The following CD1C variants were observed in gnomAD, a reference collection of about 807,000 sequenced individuals.
The protein encoded by CD1C is T-cell surface glycoprotein CD1c.
A neutral mutation model predicts 39.4 loss-of-function variants in CD1C; 47 were observed. That is an observed-to-expected ratio of 1.19 (90% CI 0.94 to 1.52). The LOEUF is 1.52. Ranked by LOEUF, CD1C falls within the 40% of genes most tolerant of loss-of-function variation. The pLI is 0.00. For missense variants in CD1C, 417 were observed against 395.2 expected (o/e 1.06, Z -0.47); for synonymous variants, 165 against 150.8 (o/e 1.09, Z -0.69).
At chr1:158,291,430 T>G (rs1571143901) in intron 2 of CD1C, 30 bp downstream of exon 2, 1 of 1,602,340 alleles carries the variant, frequency 6.2e-7, no homozygotes, top group East Asian at 2.2e-5. Context: ...TTATGGGAGT[T>G]CTTTAGAATG....
In CD1C at chr1:158,292,136, C is replaced by A; in HGVS notation, c.381C>A (p.Ser127Arg). ...GCTGTGAGCTGCATTCTGGAAAGAG[C>A]CCAGAAGGCTTCTTTCAGGTAGCTT... ...KAGCELHSGK[S>R]PEGFFQVAFN... is the part of the protein sequence containing the mutation. Residue 127 changes from serine to arginine, a missense_variant, in exon 3 of 6, where the codon AGC (serine) becomes AGA (arginine). Coordinates refer to ENST00000368170, the MANE Select transcript of CD1C (RefSeq NM_001765.3). 1 of 1,614,038 alleles carries A rather than the reference C, an allele frequency of 6.2e-7. No individual in the cohort carries two copies. The highest frequency in any genetic ancestry group is 8.5e-7 in the Non-Finnish European group (1 of 1,179,956).
rs578161327 is a variant in CD1C, at chr1:158,291,257, C to G, written c.185C>G (p.Ser62Ter). The G allele has an allele frequency of 1.2e-6, 2 of 1,614,096 alleles. No homozygotes were observed. Among genetic ancestry groups the G allele is most frequent in the African/African-American group, 2.7e-5 (2 of 75,010 alleles). Residue 62 changes from serine (S) to a stop codon, truncating the protein, a stop_gained, in exon 2 of 6, where the codon TCA (serine) becomes TGA (stop). Coordinates refer to ENST00000368170, the MANE Select transcript of CD1C (RefSeq NM_001765.3). LOFTEE classifies it high-confidence loss of function. Reference sequence around the variant, plus strand: ...CAGACTCATGGCTGGGACAGTGAATCAGGCACAATAATTTTCCTGCATAAC... The same window carrying G: ...CAGACTCATGGCTGGGACAGTGAATGAGGCACAATAATTTTCCTGCATAAC... The part of the protein sequence containing the change: ...ELQTHGWDSE[S>*]GTIIFLHNWS...
rs1651036766 is a variant in CD1C, at chr1:158,291,380, C to T, written c.308C>T (p.Ala103Val). 6.2e-7 allele frequency: 1 copy of T among 1,613,978 alleles called. No homozygotes were observed. Among genetic ancestry groups the T allele is most frequent in the East Asian group, 2.2e-5 (1 of 44,878 alleles). ...FGLTREIQDHASQDYSKYPFE... is the reference protein window; with the variant it reads ...FGLTREIQDHVSQDYSKYPFE... ...TTAACTCGGGAGATTCAAGACCATG[C>T]AAGTCAAGATTACTCGAAATGTAAG... The change falls in exon 2 of 6, where the codon GCA (alanine) becomes GTA (valine). Residue 103 changes from alanine to valine, a missense_variant. Ala to Val is a moderately conservative substitution (Grantham distance 64). Transcript: ENST00000368170.
intron 3 of CD1C, 34 bp downstream of exon 3, chr1:158,292,399 T>C (rs767151325): frequency 1.3e-6 from 2 of 1,590,090 alleles, no homozygotes; most frequent in African/African-American, 2.7e-5. Context: ...CTAAGATTTT[T>C]CTATTCAAGT....
chr1:158,293,619 T>G lies in CD1C; in HGVS notation c.*143T>G. 1 of 1,587,784 alleles carries G rather than the reference T, an allele frequency of 6.3e-7. No homozygotes were observed. The highest frequency in any genetic ancestry group is 8.6e-7 in the Non-Finnish European group (1 of 1,163,570). On this transcript the variant is annotated 3_prime_UTR_variant, in exon 6 of 6. Coordinates refer to ENST00000368170, the MANE Select transcript of CD1C (RefSeq NM_001765.3). ...AAACATTTGTTAATAAAAACCAAAT[T>G]CTAATTTGGAATGTTTTTCTTGGAA...
chr1:158,292,133 G>C lies in CD1C; in HGVS notation c.378G>C (p.Lys126Asn), dbSNP rs761108555. 2 of 1,614,124 alleles carry C rather than the reference G, an allele frequency of 1.2e-6. No individual in the cohort carries two copies. Among genetic ancestry groups the C allele is most frequent in the Non-Finnish European group, 1.7e-6 (2 of 1,180,016 alleles). ...CGGGCTGTGAGCTGCATTCTGGAAA[G>C]AGCCCAGAAGGCTTCTTTCAGGTAG... ...VKAGCELHSG[K>N]SPEGFFQVAF... The change falls in exon 3 of 6, where the codon AAG (lysine) becomes AAC (asparagine). Residue 126 changes from lysine (K) to asparagine (N), a missense_variant. Transcript: ENST00000368170.
At chr1:158,292,007 G>C in intron 2 of CD1C, 77 bp from the exon 3 acceptor site, 1 of 1,431,242 alleles carries the variant, frequency 7.0e-7, no homozygotes, top group Non-Finnish European at 9.5e-7. Flanking sequence ...TTCACTTCCT[G>C]ATACAGCCCT....
At chr1:158,291,865 G>A (rs1184178775) in intron 2 of CD1C, among the ~76,000 whole-genome samples, 1 of 151,634 alleles carries the variant, frequency 6.6e-6, no homozygotes, top group East Asian at 1.9e-4. Flanking sequence ...CATCTTCCTT[G>A]GCCACTTTTT....
Position 158,293,479 on chromosome 1 carries a change from C to T in CD1C, c.*3C>T, listed in dbSNP as rs765916950. 6.2e-7 allele frequency: 1 copy of T among 1,614,128 alleles called. No homozygotes were observed. Among genetic ancestry groups the T allele is most frequent in the South Asian group, 1.1e-5 (1 of 91,074 alleles). ...GCTCATATCAGGACATCCTGTGAGA[C>T]TCTTCCCCCTGACTCCCCCATTGTG... On this transcript the variant is annotated 3_prime_UTR_variant, in exon 6 of 6. Coordinates refer to ENST00000368170, the MANE Select transcript of CD1C (RefSeq NM_001765.3).
chr1:158,291,376 C>G lies in CD1C; in HGVS notation c.304C>G (p.His102Asp). 1 of 1,614,026 alleles carries G rather than the reference C, an allele frequency of 6.2e-7. No individual in the cohort carries two copies. The highest frequency in any genetic ancestry group is 8.5e-7 in the Non-Finnish European group (1 of 1,179,918). Residue 102 changes from histidine (H) to aspartate (D), a missense_variant, in exon 2 of 6, where the codon CAT becomes GAT. By Grantham distance (81) the His-to-Asp change is moderately conservative (BLOSUM62 -1). Coordinates refer to ENST00000368170, the MANE Select transcript of CD1C (RefSeq NM_001765.3). ...LFGLTREIQD[H>D]ASQDYSKYPF... ...TGGATTAACTCGGGAGATTCAAGACCATGCAAGTCAAGATTACTCGAAATG... is the reference window on the plus strand; with the variant it reads ...TGGATTAACTCGGGAGATTCAAGACGATGCAAGTCAAGATTACTCGAAATG...
At chr1:158,293,175 T>G in intron 4 of CD1C, 37 bp from the exon 5 acceptor site, 1 of 1,495,054 alleles carries the variant, frequency 6.7e-7, no homozygotes, top group Non-Finnish European at 9.3e-7. Flanking sequence ...AGCAGTGAGT[T>G]TAAAATGGCA....
chr1:158,293,329 C>T, intron 5 of CD1C, 27 bp downstream of exon 5: 1 of 1,596,750 alleles, frequency 6.3e-7, no homozygotes, highest in Non-Finnish European at 8.6e-7. Context: ...TCCTCCTCTC[C>T]TCCCAGTTTC....
At chr1:158,292,393 G>A in intron 3 of CD1C, 28 bp downstream of exon 3, 3 of 1,596,328 alleles carry the variant, frequency 1.9e-6, no homozygotes, top group South Asian at 2.3e-5. Flanking sequence ...CTTCCTCTAA[G>A]ATTTTTCTAT....
chr1:158,291,243 C>G lies in CD1C; in HGVS notation c.171C>G (p.Gly57=). The G allele has an allele frequency of 6.2e-7, 1 of 1,614,130 alleles. No individual in the cohort carries two copies. The highest frequency in any genetic ancestry group is 8.5e-7 in the Non-Finnish European group (1 of 1,180,028). The change falls in exon 2 of 6, where the codon GGC becomes GGG. Residue 57 remains glycine, a synonymous_variant. Transcript: ENST00000368170. ...GGCTGGACGAGTTGCAGACTCATGG[C>G]TGGGACAGTGAATCAGGCACAATAA... is the stretch of plus-strand genomic sequence containing the variant. The part of the protein sequence containing the change: ...SGWLDELQTH[G]WDSESGTIIF...
chr1:158,294,680 A>G lies in CD1C; in HGVS notation c.*1204A>G, dbSNP rs1557803253. Among the ~76,000 whole-genome samples, 1 of 152,236 alleles carries G rather than the reference A, an allele frequency of 6.6e-6. No individual in the cohort carries two copies. Among genetic ancestry groups the G allele is most frequent in the Non-Finnish European group, 1.5e-5 (1 of 68,048 alleles). On this transcript the variant is annotated 3_prime_UTR_variant, in exon 6 of 6. Coordinates refer to ENST00000368170, the MANE Select transcript of CD1C (RefSeq NM_001765.3). ...TAGTCAAGCACACCAACAACCTGGCATTCTTGCAACTACTGATATACTTTA... is the reference window on the plus strand; with the variant it reads ...TAGTCAAGCACACCAACAACCTGGCGTTCTTGCAACTACTGATATACTTTA...
rs765575548 is a variant in CD1C, at chr1:158,292,183, G to A, written c.428G>A (p.Ser143Asn). Reference protein sequence around the residue: ...QVAFNGLDLLSFQNTTWVPSP... With the variant: ...QVAFNGLDLLNFQNTTWVPSP... Reference sequence around the variant, plus strand: ...GCTTTCAACGGATTAGATTTACTGAGTTTCCAGAATACAACATGGGTGCCA... The same window carrying A: ...GCTTTCAACGGATTAGATTTACTGAATTTCCAGAATACAACATGGGTGCCA... The change falls in exon 3 of 6, where the codon AGT (serine) becomes AAT (asparagine). Residue 143 changes from serine to asparagine, a missense_variant. Transcript: ENST00000368170. The A allele has an allele frequency of 7.4e-6, 12 of 1,614,188 alleles. No homozygotes were observed. The highest frequency in any genetic ancestry group is 1.0e-5 in the Non-Finnish European group (12 of 1,180,042).
In CD1C at chr1:158,294,304, T is replaced by A. The variant is rs1323857205; in HGVS notation, c.*828T>A. On this transcript the variant is annotated 3_prime_UTR_variant, in exon 6 of 6. Transcript: ENST00000368170. ...CTGTGTTATCTGAGATAGCCTTGGC[T>A]AAACTTTAGTCCCTTTAGGTTTCAT... Among the ~76,000 whole-genome samples, 2 of 152,252 alleles carry A rather than the reference T, an allele frequency of 1.3e-5. No homozygotes were observed. Among genetic ancestry groups the A allele is most frequent in the African/African-American group, 4.8e-5 (2 of 41,464 alleles).
rs1557802711 is a variant in CD1C at position 158,293,650 on chromosome 1, A to G, written c.*174A>G. The G allele has an allele frequency of 9.5e-6, 14 of 1,473,790 alleles. No homozygotes were observed. The highest frequency in any genetic ancestry group is 1.2e-5 in the Non-Finnish European group (13 of 1,075,144). The allele number at this position is 1,473,790 out of a possible 1,614,324, so 91.3% of individuals were successfully genotyped here. On this transcript the variant is annotated 3_prime_UTR_variant, in exon 6 of 6. Coordinates refer to ENST00000368170, the MANE Select transcript of CD1C (RefSeq NM_001765.3). ...TTGGAATGTTTTTCTTGGAATCTCC[A>G]CTTTTTATATAGCACTCAACCTTCA...
chr1:158,293,730 C>G lies in CD1C; in HGVS notation c.*254C>G. 1 of 752,184 alleles carries G rather than the reference C, an allele frequency of 1.3e-6. No individual in the cohort carries two copies. The highest frequency in any genetic ancestry group is 2.2e-6 in the Non-Finnish European group (1 of 463,488). 46.6% of individuals were successfully genotyped at this position (752,184 alleles called of 1,614,324 possible). Reference sequence around the variant, plus strand: ...CGATCTTCCTTGACCCATACTGAACCCAGAGAGCCCCTCAACTGTTATGTG... The same window carrying G: ...CGATCTTCCTTGACCCATACTGAACGCAGAGAGCCCCTCAACTGTTATGTG... On this transcript the variant is annotated 3_prime_UTR_variant, in exon 6 of 6. Coordinates refer to ENST00000368170, the MANE Select transcript of CD1C (RefSeq NM_001765.3).
Sources: gnomAD v4.1 joint callset for allele counts (sites outside exome capture counted in the v4.1 genomes callset) on GRCh38, gnomAD v4.1.1 for gene constraint, MANE v1.5 for transcripts, NCBI Gene and HGNC (gene_info 2026-07-23, HGNC 2026-07-21) for gene names.